GALNT18: variants seen among roughly 807,000 people sequenced by gnomAD.
GALNT18 encodes GalNAc-transferase 18.
In GALNT18, 44 loss-of-function variants were observed where a neutral mutation model predicts 69.5. The observed-to-expected ratio is 0.63, with a 90% CI of 0.50 to 0.81. The LOEUF is 0.81. Among genes scored for constraint, GALNT18 ranks in the 40% least tolerant of loss-of-function variants. GALNT18 has a pLI of 0.00. For synonymous variants in GALNT18, 364 were observed against 318.2 expected (o/e 1.14, Z -1.53); for missense variants, 715 against 810.0 (o/e 0.88, Z 1.42).
At chr11:11,572,291 C>G (rs1858810888) in intron 1 of GALNT18, among the ~76,000 whole-genome samples, 1 of 152,120 alleles carries the variant, frequency 6.6e-6, no homozygotes, top group South Asian at 2.1e-4. Context: ...CCTGCTTGCT[C>G]CTTGGGTGGC....
At chr11:11,291,298 C>T (rs1379940543) in intron 10 of GALNT18, among the ~76,000 whole-genome samples, 1 of 151,206 alleles carries the variant, frequency 6.6e-6, no homozygotes, top group African/African-American at 2.4e-5. Flanking sequence ...TCCGACATAG[C>T]TTCAGTGATG....
intron 1 of GALNT18, among the ~76,000 whole-genome samples, chr11:11,471,796 G>C (rs1402347731): frequency 6.6e-6 from 1 of 152,192 alleles, no homozygotes; most frequent in Non-Finnish European, 1.5e-5. Flanking sequence ...ATCATCTCCT[G>C]ACCAGTGGGG....
At chr11:11,359,792 G>A (rs1287831144) in intron 6 of GALNT18, among the ~76,000 whole-genome samples, 2 of 152,102 alleles carry the variant, frequency 1.3e-5, no homozygotes, top group African/African-American at 2.4e-5. Flanking sequence ...AGGTAGAGAT[G>A]GAAAAACAAC....
At chr11:11,324,210 T>C (rs1346478611) in intron 9 of GALNT18, among the ~76,000 whole-genome samples, 1 of 152,210 alleles carries the variant, frequency 6.6e-6, no homozygotes, top group Non-Finnish European at 1.5e-5. Flanking sequence ...CCTGTGATAT[T>C]TTGTTTTGGC....
intron 6 of GALNT18, among the ~76,000 whole-genome samples, chr11:11,354,479 AC>A (rs1850486166): frequency 6.6e-6 from 1 of 152,202 alleles, no homozygotes; most frequent in South Asian, 2.1e-4. Context: ...TAGGCAATTC[AC>A]TTCACCTTCC....
At position 11,562,136 on chromosome 11, in the gene GALNT18, C is replaced by G. The variant is rs192393779; in HGVS notation, c.235+59223G>C. On this transcript the variant is annotated intron_variant, in intron 1 of 10. Transcript: ENST00000227756. This position sits in a 1 kb window ranked among gnomAD's most constrained non-coding sequence, Gnocchi z 4.1. ...CTAAGTAGCACAGACTGGGTGCCTT[C>G]AACAACAGATATTCATTCTCTCACA... Among the ~76,000 whole-genome samples, 2 of 152,350 alleles carry G rather than the reference C, an allele frequency of 1.3e-5. No homozygotes were observed. The highest frequency in any genetic ancestry group is 3.9e-4 in the East Asian group (2 of 5,188).
chr11:11,384,854 T>C lies in GALNT18; in HGVS notation c.596-5590A>G, dbSNP rs530970229. ...AGCTCAAACTAAGACACAACCCTTATGGAATATCCATGCTACTGGATGTTT... is the reference window on the plus strand; with the variant it reads ...AGCTCAAACTAAGACACAACCCTTACGGAATATCCATGCTACTGGATGTTT... On this transcript the variant is annotated intron_variant, in intron 3 of 10. Transcript: ENST00000227756. 1.8e-4 allele frequency among the ~76,000 whole-genome samples: 27 copies of C among 152,310 alleles called. No homozygotes were observed. In the South Asian group the frequency reaches 5.6e-3, roughly 32 times the overall value.
rs949522428 is a variant in GALNT18 at position 11,541,612 on chromosome 11, A to T, written c.235+79747T>A. On this transcript the variant is annotated intron_variant, in intron 1 of 10. Coordinates refer to ENST00000227756, the MANE Select transcript of GALNT18 (RefSeq NM_198516.3). The surrounding 1 kb of genome is among the most constrained non-coding windows in gnomAD (Gnocchi z 4.8). ...GGGCTGGCACCCCAGCCCCACCCAC[A>T]AATGCATCTCTGCCTTCAGATCTGA... Among the ~76,000 whole-genome samples, 1 of 152,058 alleles carries T rather than the reference A, an allele frequency of 6.6e-6. No individual in the cohort carries two copies. Among genetic ancestry groups the T allele is most frequent in the Non-Finnish European group, 1.5e-5 (1 of 68,010 alleles).
chr11:11,612,765 G>A (rs975728982), intron 1 of GALNT18, among the ~76,000 whole-genome samples: 2 of 152,212 alleles, frequency 1.3e-5, no homozygotes, highest in South Asian at 2.1e-4. Context: ...ACCTATTCAC[G>A]CTAAAGAACT....
intron 6 of GALNT18, among the ~76,000 whole-genome samples, chr11:11,346,358 C>T (rs1850303255): frequency 6.6e-6 from 1 of 152,134 alleles, no homozygotes; most frequent in Non-Finnish European, 1.5e-5. Context: ...CTTTCACTGA[C>T]TATACAGGCA....
intron 1 of GALNT18, among the ~76,000 whole-genome samples, chr11:11,556,920 T>C (rs972918707): frequency 2.6e-5 from 4 of 152,194 alleles, no homozygotes; most frequent in Non-Finnish European, 5.9e-5. Flanking sequence ...CTTCAACAAA[T>C]AAATGTTGAA....
rs1853845190 is a variant in GALNT18, at chr11:11,379,110, A to T, written c.750T>A (p.Phe250Leu). Residue 250 changes from phenylalanine to leucine, a missense_variant, in exon 4 of 11, where the codon TTT (phenylalanine) becomes TTA (leucine). By Grantham distance (22) the Phe-to-Leu change is conservative. Transcript: ENST00000227756. ...CCACATTGAACTCCACGTGGGCATC[A>T]AAGAGTGCCACCACAGGGGCAGTGG... is the stretch of plus-strand genomic sequence containing the variant. ...RAATAPVVAL[F>L]DAHVEFNVGW... 6.2e-7 allele frequency: 1 copy of T among 1,609,024 alleles called. No homozygotes were observed. Among genetic ancestry groups the T allele is most frequent in the African/African-American group, 1.3e-5 (1 of 74,838 alleles).
chr11:11,600,339 TTTTG>T lies in GALNT18; in HGVS notation c.235+21016_235+21019del, dbSNP rs1403703272. 1.3e-5 allele frequency among the ~76,000 whole-genome samples: 2 copies of T among 152,064 alleles called. No homozygotes were observed. The highest frequency in any genetic ancestry group is 4.8e-5 in the African/African-American group (2 of 41,450). On this transcript the variant is annotated intron_variant, in intron 1 of 10. Transcript: ENST00000227756. This position sits in a 1 kb window ranked among gnomAD's most constrained non-coding sequence, Gnocchi z 4.8. ...TGGACCTGATAACAACAAATTCTGT[TTTTG>T]TTTTTCTGGTAATGACTTTATTTTG...
chr11:11,513,290 G>C (rs1460157065), intron 1 of GALNT18, among the ~76,000 whole-genome samples: 4 of 152,204 alleles, frequency 2.6e-5, no homozygotes, highest in African/African-American at 9.7e-5. Flanking sequence ...CAGATACGAG[G>C]CTTGAAGAAA....
At position 11,523,547 on chromosome 11, in the gene GALNT18, G is replaced by A. The variant is rs1014142274; in HGVS notation, c.236-74611C>T. ...ATCTTGGCTAACACAGTGAAACCCC[G>A]TCTCTACTAAAAATACAAAAAATTA... On this transcript the variant is annotated intron_variant, in intron 1 of 10. Coordinates refer to ENST00000227756, the MANE Select transcript of GALNT18 (RefSeq NM_198516.3). This position sits in a 1 kb window ranked among gnomAD's most constrained non-coding sequence, Gnocchi z 4.3. Among the ~76,000 whole-genome samples, 42 of 151,894 alleles carry A rather than the reference G, an allele frequency of 2.8e-4. No homozygotes were observed. Among genetic ancestry groups the A allele is most frequent in the African/African-American group, 7.2e-4 (30 of 41,440 alleles).
At chr11:11,445,067 G>A (rs188705812) in intron 2 of GALNT18, among the ~76,000 whole-genome samples, 3 of 152,308 alleles carry the variant, frequency 2.0e-5, no homozygotes, top group African/African-American at 7.2e-5. Context: ...ACATGTAGAC[G>A]CCGACCTTCC....
At chr11:11,358,826 AACACACACACAC>A (rs10644506) in intron 6 of GALNT18, among the ~76,000 whole-genome samples, 1 of 110,820 alleles carries the variant, frequency 9.0e-6, no homozygotes, top group African/African-American at 3.5e-5. Flanking sequence ...ATCCACACAA[AACACACACACAC>A]ACACACACAC....
intron 3 of GALNT18, among the ~76,000 whole-genome samples, chr11:11,405,456 C>T (rs181534469): frequency 7.2e-5 from 11 of 152,202 alleles, no homozygotes; most frequent in South Asian, 6.2e-4. Flanking sequence ...GGAAGGGTGT[C>T]GCAGATTTTC....
Position 11,444,463 on chromosome 11 carries a change from T to C in GALNT18, c.428+4281A>G, listed in dbSNP as rs1356822985. ...CAGGAGATATCCGTCCGACGCTTTG[T>C]TGGGTGCCGGGCACATCATGAGTGC... On this transcript the variant is annotated intron_variant, in intron 2 of 10. Coordinates refer to ENST00000227756, the MANE Select transcript of GALNT18 (RefSeq NM_198516.3). The surrounding 1 kb of genome is among the most constrained non-coding windows in gnomAD (Gnocchi z 4.4). Among the ~76,000 whole-genome samples the C allele has an allele frequency of 6.6e-6, 1 of 152,220 alleles. No homozygotes were observed. Among genetic ancestry groups the C allele is most frequent in the African/African-American group, 2.4e-5 (1 of 41,460 alleles).
Sources: gnomAD v4.1 joint callset for allele counts (sites outside exome capture counted in the v4.1 genomes callset) on GRCh38, gnomAD v4.1.1 for gene constraint, Gnocchi (gnomAD v3.1) non-coding constraint, MANE v1.5 for transcripts, NCBI Gene and HGNC (gene_info 2026-07-23, HGNC 2026-07-21) for gene names.